DLG2: variants seen among roughly 807,000 people sequenced by gnomAD.
DLG2 encodes the protein disks large homolog 2.
Under a neutral mutation model 132.5 loss-of-function variants are expected in DLG2, and 45 were observed. The ratio of observed to expected loss-of-function variants is 0.34; its 90% CI spans 0.27 to 0.44. DLG2 has a LOEUF of 0.44. Ranked by LOEUF, DLG2 falls within the 20% of genes least tolerant of loss-of-function variation. The pLI is 1.00. For missense variants in DLG2, 1,045 were observed against 1,196.9 expected, an observed-to-expected ratio of 0.87 and a Z score of 1.87; for synonymous variants, 424 against 419.6, an observed-to-expected ratio of 1.01 and a Z score of -0.13.
At chr11:85,502,230 G>C (rs559975869) in intron 3 of DLG2, among the ~76,000 whole-genome samples, 1 of 152,162 alleles carries the variant, frequency 6.6e-6, no homozygotes, top group East Asian at 1.9e-4. Context: ...AGAACACATG[G>C]AGACAGGGAG....
At chr11:83,509,541 C>T (rs1242477520) in intron 21 of DLG2, among the ~76,000 whole-genome samples, 2 of 152,120 alleles carry the variant, frequency 1.3e-5, no homozygotes, top group African/African-American at 4.8e-5. Context: ...CATGGTACTC[C>T]ATCTCTCAGA....
intron 8 of DLG2, among the ~76,000 whole-genome samples, chr11:84,217,238 A>G (rs940692334): frequency 3.9e-5 from 6 of 152,142 alleles, no homozygotes; most frequent in Admixed American, 1.3e-4. Flanking sequence ...CTGTGTCCCC[A>G]CCCAAATCTC....
intron 3 of DLG2, among the ~76,000 whole-genome samples, chr11:85,404,561 G>C (rs914694787): frequency 3.3e-5 from 5 of 151,884 alleles, no homozygotes; most frequent in Admixed American, 2.6e-4. Context: ...TTGCAAAACT[G>C]TTGCATAGCT....
chr11:83,911,151 G>A (rs1220349351), intron 15 of DLG2, among the ~76,000 whole-genome samples: 3 of 152,160 alleles, frequency 2.0e-5, no homozygotes, highest in Non-Finnish European at 4.4e-5. Flanking sequence ...ATACAGTTAT[G>A]AAAACCAAAG....
intron 3 of DLG2, among the ~76,000 whole-genome samples, chr11:85,589,392 TC>T (rs1241956017): frequency 6.6e-6 from 1 of 152,156 alleles, no homozygotes; most frequent in East Asian, 1.9e-4. Context: ...AGATAAGTGT[TC>T]AGGTTTCTCA....
chr11:85,484,048 C>T (rs539160450), intron 3 of DLG2, among the ~76,000 whole-genome samples: 1 of 152,114 alleles, frequency 6.6e-6, no homozygotes, highest in East Asian at 1.9e-4. Context: ...TAAATACCGG[C>T]ACGAGACCGA....
chr11:83,962,720 G>A (rs2089167810), intron 14 of DLG2, among the ~76,000 whole-genome samples, 165 bp downstream of exon 14: 2 of 152,032 alleles, frequency 1.3e-5, no homozygotes. Context: ...CTGCCTATCA[G>A]AGGACAATGA....
At chr11:85,562,698 G>C (rs2153224047) in intron 3 of DLG2, among the ~76,000 whole-genome samples, 1 of 151,676 alleles carries the variant, frequency 6.6e-6, no homozygotes, top group Middle Eastern at 3.4e-3. Context: ...CAAACAGTAA[G>C]TATTCCCTAA....
intron 6 of DLG2, among the ~76,000 whole-genome samples, chr11:84,635,706 A>C (rs540206162): frequency 6.6e-6 from 1 of 152,216 alleles, no homozygotes; most frequent in Non-Finnish European, 1.5e-5. Context: ...ATTTCACTTA[A>C]TTCCCTCAAG....
chr11:84,443,793 T>C (rs1452409682), intron 7 of DLG2, among the ~76,000 whole-genome samples: 1 of 151,288 alleles, frequency 6.6e-6, no homozygotes, highest in East Asian at 2.0e-4. Flanking sequence ...AATCTTTTAT[T>C]ATGGGTTTTG....
At chr11:84,190,437 C>CTGGG (rs1202978456) in intron 8 of DLG2, among the ~76,000 whole-genome samples, 3 of 152,286 alleles carry the variant, frequency 2.0e-5, no homozygotes, top group Non-Finnish European at 4.4e-5. Flanking sequence ...ACACGCATTA[C>CTGGG]TGGGTCTTTT....
At chr11:83,870,719 C>A (rs1344646873) in intron 16 of DLG2, among the ~76,000 whole-genome samples, 1 of 152,044 alleles carries the variant, frequency 6.6e-6, no homozygotes, top group Non-Finnish European at 1.5e-5. Context: ...GGTGTGCATG[C>A]TAATTGGGGG....
chr11:84,580,067 G>A (rs75489121), intron 6 of DLG2, among the ~76,000 whole-genome samples: 2,818 of 152,242 alleles, frequency 0.019, 44 homozygotes, highest in Non-Finnish European at 0.028. Flanking sequence ...ATGTCTTGTT[G>A]GCAGACTTCT....
intron 3 of DLG2, among the ~76,000 whole-genome samples, chr11:85,400,839 G>A (rs563920766): frequency 4.2e-4 from 63 of 151,338 alleles, no homozygotes; most frequent in African/African-American, 1.3e-3. Flanking sequence ...GCTAAATGAC[G>A]AGTTAATGAG....
intron 3 of DLG2, among the ~76,000 whole-genome samples, chr11:85,297,357 G>A (rs1331496717): frequency 6.6e-6 from 1 of 152,128 alleles, no homozygotes; most frequent in Non-Finnish European, 1.5e-5. Context: ...ATCAACTGCA[G>A]TCCCCAAGTA....
At chr11:85,326,187 G>C (rs1261132295) in intron 3 of DLG2, among the ~76,000 whole-genome samples, 15 of 85,562 alleles carry the variant, frequency 1.8e-4, no homozygotes, top group Non-Finnish European at 3.2e-4. Context: ...AACCAAGTTG[G>C]AAAACACTCT....
At chr11:84,694,336 G>C (rs1237360613) in intron 6 of DLG2, among the ~76,000 whole-genome samples, 1 of 151,594 alleles carries the variant, frequency 6.6e-6, no homozygotes, top group Non-Finnish European at 1.5e-5. Context: ...GTGAGCACTT[G>C]AACGAATCAG....
chr11:84,228,312 T>C (rs1189042311), intron 8 of DLG2, among the ~76,000 whole-genome samples: 2 of 152,236 alleles, frequency 1.3e-5, no homozygotes, highest in Non-Finnish European at 1.5e-5. Context: ...TAGGGACTAA[T>C]TGTTCTCAGT....
chr11:85,113,731 A>G (rs1294173828), intron 5 of DLG2, among the ~76,000 whole-genome samples: 1 of 152,048 alleles, frequency 6.6e-6, no homozygotes, highest in East Asian at 1.9e-4. Context: ...CATCTGTAAA[A>G]TGAGAAAGTT....
Sources: allele counts gnomAD v4.1 joint callset (sites outside exome capture counted in the v4.1 genomes callset), GRCh38; gene constraint gnomAD v4.1.1; transcripts MANE v1.5; gene names NCBI Gene and HGNC (gene_info 2026-07-23, HGNC 2026-07-21).